EML4: variants seen among roughly 807,000 people sequenced by gnomAD.
The protein encoded by EML4 is echinoderm microtubule-associated protein-like 4.
Under a neutral mutation model 129.0 loss-of-function variants are expected in EML4, and 72 were observed. That is an observed-to-expected ratio of 0.56 (90% CI 0.46 to 0.68). The LOEUF is 0.68. Among genes scored for constraint, EML4 ranks in the 30% least tolerant of loss-of-function variants. The probability of loss-of-function intolerance (pLI) is 0.00; values close to 1 mark genes in which losing one functional copy is unlikely to be tolerated. For synonymous variants in EML4, 532 were observed against 405.0 expected (o/e 1.31, Z -3.77); for missense variants, 1,363 against 1,190.6 (o/e 1.14, Z -2.13).
chr2:42,242,695 C>CTCTTT (rs1349114327), intron 1 of EML4, among the ~76,000 whole-genome samples: 8 of 150,858 alleles, frequency 5.3e-5, no homozygotes, highest in African/African-American at 1.9e-4. Context: ...TCCCTTTTTT[C>CTCTTT]TCTTTTCTTT....
chr2:42,192,503 G>T (rs528528834), intron 1 of EML4, among the ~76,000 whole-genome samples: 1 of 152,132 alleles, frequency 6.6e-6, no homozygotes, highest in South Asian at 2.1e-4. Context: ...GCCTCCCAAA[G>T]TACTGGGATT....
intron 6 of EML4, among the ~76,000 whole-genome samples, chr2:42,268,063 A>G (rs997130853): frequency 7.2e-5 from 11 of 152,210 alleles, no homozygotes; most frequent in Non-Finnish European, 1.3e-4. Context: ...CAAATTTTCT[A>G]ATAAACAAAA....
chr2:42,189,718 T>TA (rs1185190960), intron 1 of EML4, among the ~76,000 whole-genome samples: 14 of 152,238 alleles, frequency 9.2e-5, no homozygotes, highest in African/African-American at 3.4e-4. Flanking sequence ...TTTGATATCA[T>TA]ACAGTTAGTG....
chr2:42,327,857 T>TG, intron 21 of EML4, among the ~76,000 whole-genome samples: 1 of 152,264 alleles, frequency 6.6e-6, no homozygotes, highest in East Asian at 1.9e-4. Flanking sequence ...AATTTATCTC[T>TG]GCCTTCTGAA....
At chr2:42,206,713 G>T (rs916403928) in intron 1 of EML4, among the ~76,000 whole-genome samples, 1 of 151,926 alleles carries the variant, frequency 6.6e-6, no homozygotes, top group African/African-American at 2.4e-5. Flanking sequence ...ATGCATTTTT[G>T]GCACGTATAA....
intron 1 of EML4, among the ~76,000 whole-genome samples, chr2:42,183,967 C>T (rs1671099242): frequency 6.6e-6 from 1 of 152,100 alleles, no homozygotes; most frequent in Non-Finnish European, 1.5e-5. Flanking sequence ...ACCTCTTTGA[C>T]CTTCTGGCCC....
intron 6 of EML4, among the ~76,000 whole-genome samples, chr2:42,266,650 CTT>C (rs35088865): frequency 9.8e-4 from 142 of 145,512 alleles, no homozygotes; most frequent in Non-Finnish European, 9.4e-4. Context: ...GGTCCGAAAA[CTT>C]TTTTTTTTTT....
chr2:42,268,525 A>G (rs1666192355), intron 6 of EML4, among the ~76,000 whole-genome samples: 1 of 152,022 alleles, frequency 6.6e-6, no homozygotes, highest in Non-Finnish European at 1.5e-5. Context: ...GCAGCCTTGA[A>G]CTCCGAGCTT....
At chr2:42,191,282 G>C (rs574597044) in intron 1 of EML4, among the ~76,000 whole-genome samples, 25 of 152,170 alleles carry the variant, frequency 1.6e-4, no homozygotes, top group African/African-American at 5.1e-4. Flanking sequence ...TTAGAACTCT[G>C]TCTCTTCCAT....
chr2:42,222,367 AT>A (rs1673662981), intron 1 of EML4, among the ~76,000 whole-genome samples: 1 of 152,106 alleles, frequency 6.6e-6, no homozygotes, highest in Non-Finnish European at 1.5e-5. Context: ...TGGTTTTTAT[AT>A]TTTTAAATGG....
intron 1 of EML4, among the ~76,000 whole-genome samples, chr2:42,235,891 G>T (rs531988813): frequency 2.6e-5 from 4 of 152,190 alleles, no homozygotes; most frequent in Admixed American, 2.6e-4. Flanking sequence ...TGGATTCATT[G>T]TTCTCCAAAG....
chr2:42,299,499 C>T (rs1032694046), intron 13 of EML4, among the ~76,000 whole-genome samples: 2 of 152,122 alleles, frequency 1.3e-5, no homozygotes, highest in Admixed American at 1.3e-4. Context: ...ACATTTTCAT[C>T]ACCCCAAAAA....
At chr2:42,297,941 T>A (rs1388609891) in intron 13 of EML4, among the ~76,000 whole-genome samples, 1 of 152,238 alleles carries the variant, frequency 6.6e-6, no homozygotes, top group Non-Finnish European at 1.5e-5. Context: ...TGAATTAATG[T>A]GAATCTTCAA....
intron 3 of EML4, among the ~76,000 whole-genome samples, chr2:42,259,804 A>G (rs1213850029): frequency 7.4e-6 from 1 of 134,268 alleles, no homozygotes; most frequent in Non-Finnish European, 1.5e-5. Context: ...ATCTCGGCTC[A>G]CTGCAAGCTC....
chr2:42,266,609 G>A (rs116814244), intron 6 of EML4, among the ~76,000 whole-genome samples: 8,680 of 151,550 alleles, frequency 0.057, 320 homozygotes, highest in South Asian at 0.092. Flanking sequence ...CTCCCAAAGT[G>A]TTGGGATTAC....
chr2:42,324,354 GC>G (rs1266667125), intron 19 of EML4, among the ~76,000 whole-genome samples: 2 of 151,792 alleles, frequency 1.3e-5, no homozygotes, highest in African/African-American at 2.4e-5. Flanking sequence ...AGTGGCTCAT[GC>G]CAGTAGTCCC....
At chr2:42,266,381 C>G (rs781723964) in intron 6 of EML4, among the ~76,000 whole-genome samples, 1 of 152,196 alleles carries the variant, frequency 6.6e-6, no homozygotes, top group South Asian at 2.1e-4. Context: ...GGGTCTTGCT[C>G]TGTTGCCCCG....
chr2:42,241,691 G>A (rs1213727026), intron 1 of EML4, among the ~76,000 whole-genome samples: 1 of 152,136 alleles, frequency 6.6e-6, no homozygotes, highest in Non-Finnish European at 1.5e-5. Flanking sequence ...TATTTGTTTG[G>A]TCCTCATGTG....
At chr2:42,176,690 C>T (rs959090094) in intron 1 of EML4, among the ~76,000 whole-genome samples, 2 of 152,192 alleles carry the variant, frequency 1.3e-5, no homozygotes, top group Non-Finnish European at 2.9e-5. Flanking sequence ...TCTTGGGGTA[C>T]TTATTGCAGA....
Sources: allele counts gnomAD v4.1 joint callset (sites outside exome capture counted in the v4.1 genomes callset), GRCh38; gene constraint gnomAD v4.1.1; transcripts MANE v1.5; gene names NCBI Gene and HGNC (gene_info 2026-07-23, HGNC 2026-07-21).